The following MEGF11 variants were observed in gnomAD, a reference collection of about 807,000 sequenced individuals.
The protein encoded by MEGF11 is multiple EGF like domains 11.
MEGF11 carries 126 observed loss-of-function variants against 146.6 expected under a neutral mutation model. That is an observed-to-expected ratio of 0.86 (90% CI 0.74 to 1.00). The LOEUF (loss-of-function observed/expected upper bound fraction) is 1.00, where lower values mean the gene tolerates loss of function less well. Among genes scored for constraint, MEGF11 ranks in the 50% least tolerant of loss-of-function variants. MEGF11 has a pLI of 0.00. For missense variants in MEGF11, 1,509 were observed against 1,521.2 expected, an observed-to-expected ratio of 0.99 and a Z score of 0.13; for synonymous variants, 532 against 583.4, an observed-to-expected ratio of 0.91 and a Z score of 1.27.
chr15:66,075,195 G>A (rs1411213125), intron 5 of MEGF11, among the ~76,000 whole-genome samples: 1 of 152,120 alleles, frequency 6.6e-6, no homozygotes, highest in African/African-American at 2.4e-5. Flanking sequence ...CTAGAGCAAG[G>A]TCTTTCTGCA....
intron 5 of MEGF11, among the ~76,000 whole-genome samples, chr15:66,072,876 G>A (rs190723599): frequency 2.2e-3 from 334 of 152,354 alleles, no homozygotes; most frequent in Non-Finnish European, 3.2e-3. Context: ...CTGTCTGCAA[G>A]GCCCCGGTCT....
At chr15:66,239,625 C>G (rs946036227) in intron 1 of MEGF11, among the ~76,000 whole-genome samples, 8 of 152,184 alleles carry the variant, frequency 5.3e-5, no homozygotes, top group Admixed American at 2.0e-4. Context: ...ACTGGCTGCC[C>G]CAGCCTCCCC....
chr15:66,237,168 C>T (rs759056760), intron 1 of MEGF11, among the ~76,000 whole-genome samples: 4 of 152,170 alleles, frequency 2.6e-5, no homozygotes, highest in East Asian at 1.9e-4. Flanking sequence ...CCAAGTCCAG[C>T]GCTCTCGTGA....
chr15:66,223,571 A>G (rs2140171076), intron 1 of MEGF11, among the ~76,000 whole-genome samples: 1 of 152,206 alleles, frequency 6.6e-6, no homozygotes, highest in South Asian at 2.1e-4. Flanking sequence ...AAAAATACCA[A>G]AATTAGCCAG....
At chr15:66,093,943 CAG>C (rs2086427767) in intron 5 of MEGF11, among the ~76,000 whole-genome samples, 1 of 152,182 alleles carries the variant, frequency 6.6e-6, no homozygotes, top group South Asian at 2.1e-4. Flanking sequence ...TTTGGGGACA[CAG>C]AGACATCCCA....
At chr15:65,917,570 G>A (rs1198081966) in intron 16 of MEGF11, among the ~76,000 whole-genome samples, 2 of 152,048 alleles carry the variant, frequency 1.3e-5, no homozygotes, top group African/African-American at 4.8e-5. Context: ...ATTCACATGG[G>A]CCACCCAGAG....
chr15:66,089,475 G>A (rs1005005824), intron 5 of MEGF11, among the ~76,000 whole-genome samples: 2 of 152,186 alleles, frequency 1.3e-5, no homozygotes, highest in Non-Finnish European at 2.9e-5. Flanking sequence ...CTTCTGGAGG[G>A]CAGGCTCAGG....
intron 10 of MEGF11, among the ~76,000 whole-genome samples, chr15:65,939,729 G>A (rs1318306660): frequency 2.0e-5 from 3 of 151,964 alleles, no homozygotes; most frequent in Admixed American, 6.6e-5. Flanking sequence ...TCTTGACCTC[G>A]TGATCCACCT....
rs184833008 is a variant in MEGF11, at chr15:66,054,312, C to T, written c.394+40090G>A. Among the ~76,000 whole-genome samples the T allele has an allele frequency of 7.2e-5, 11 of 152,322 alleles. No individual in the cohort carries two copies. In the East Asian group the frequency reaches 2.1e-3, roughly 29 times the overall value. On this transcript the variant is annotated intron_variant, in intron 5 of 25. Coordinates refer to ENST00000395614, the MANE Select transcript of MEGF11 (RefSeq NM_001385028.1). ...TCAGGTCCCCTCTTGGTTTAAAATT[C>T]TCTGCAGGCTCCTCCATGAGGGCCT... is the stretch of plus-strand genomic sequence containing the variant.
At chr15:66,066,033 C>T (rs1231015443) in intron 5 of MEGF11, among the ~76,000 whole-genome samples, 1 of 152,176 alleles carries the variant, frequency 6.6e-6, no homozygotes, top group Non-Finnish European at 1.5e-5. Context: ...ATCCATCTCC[C>T]AGTTCATATG....
intron 1 of MEGF11, among the ~76,000 whole-genome samples, chr15:66,223,763 T>C (rs1209046867): frequency 1.3e-5 from 2 of 152,050 alleles, no homozygotes; most frequent in Non-Finnish European, 2.9e-5. Context: ...AAAAATAAAA[T>C]GGTGGATTTA....
intron 1 of MEGF11, among the ~76,000 whole-genome samples, chr15:66,139,823 G>A (rs192982547): frequency 3.9e-5 from 6 of 152,332 alleles, no homozygotes; most frequent in Admixed American, 3.9e-4. Context: ...GCCGACCAAG[G>A]CATTTAGGCT....
intron 1 of MEGF11, among the ~76,000 whole-genome samples, chr15:66,131,993 A>G (rs140419820): frequency 1.8e-4 from 27 of 152,208 alleles, no homozygotes; most frequent in African/African-American, 6.5e-4. Flanking sequence ...CTATTCTAAC[A>G]CTCAAGGGCC....
chr15:66,005,241 C>A (rs2082484406), intron 5 of MEGF11, among the ~76,000 whole-genome samples: 1 of 152,216 alleles, frequency 6.6e-6, no homozygotes, highest in African/African-American at 2.4e-5. Context: ...CTTGTTCTTT[C>A]ACAGCCTTAA....
At chr15:65,970,518 T>C (rs1195650238) in intron 8 of MEGF11, 35 bp downstream of exon 8, 1 of 1,601,008 alleles carries the variant, frequency 6.2e-7, no homozygotes, top group East Asian at 2.2e-5. Context: ...ATGAGTAAAA[T>C]GGACAGCAAA....
chr15:66,072,092 C>T (rs1243001548), intron 5 of MEGF11, among the ~76,000 whole-genome samples: 6 of 152,240 alleles, frequency 3.9e-5, no homozygotes, highest in Non-Finnish European at 4.4e-5. Flanking sequence ...CGTCCCCAGC[C>T]GCCCTGCCCT....
At chr15:65,933,967 GAT>G (rs2079670924) in intron 10 of MEGF11, among the ~76,000 whole-genome samples, 1 of 152,200 alleles carries the variant, frequency 6.6e-6, no homozygotes, top group Admixed American at 6.5e-5. Context: ...TTAGTGCAAA[GAT>G]ATAGCATCTC....
At chr15:65,916,700 G>T in intron 17 of MEGF11, 128 bp downstream of exon 17, 1 of 1,474,242 alleles carries the variant, frequency 6.8e-7, no homozygotes. Context: ...TGGGGCAGGA[G>T]TCAGGTACCA....
intron 21 of MEGF11, chr15:65,910,066 C>G: frequency 1.6e-6 from 1 of 627,104 alleles, no homozygotes; most frequent in Non-Finnish European, 3.0e-6. Flanking sequence ...GTAGCTTGAG[C>G]CAAGCTGGCC....
Sources: gnomAD v4.1 joint callset for allele counts (sites outside exome capture counted in the v4.1 genomes callset) on GRCh38, gnomAD v4.1.1 for gene constraint, MANE v1.5 for transcripts, NCBI Gene and HGNC (gene_info 2026-07-23, HGNC 2026-07-21) for gene names.